Variants in ANK3 observed in about 807,000 individuals in gnomAD.
ANK3 encodes ankyrin 3.
A neutral mutation model predicts 370.9 loss-of-function variants in ANK3; 57 were observed. The ratio of observed to expected loss-of-function variants is 0.15; its 90% CI spans 0.12 to 0.19. The LOEUF (loss-of-function observed/expected upper bound fraction) is 0.19. Ranked by LOEUF, ANK3 falls within the 10% of genes least tolerant of loss-of-function variation. The pLI is 1.00. For synonymous variants in ANK3, 1,929 were observed against 1,946.3 expected (o/e 0.99, Z 0.23); for missense variants, 4,439 against 5,302.1 (o/e 0.84, Z 5.06).
intron 2 of ANK3, chr10:60,508,401 G>C (rs934736919): frequency 6.6e-6 from 1 of 152,604 alleles, no homozygotes; most frequent in Non-Finnish European, 1.5e-5. Flanking sequence ...GGAGGAAGAC[G>C]GGAGTCAGGG....
intron 1 of ANK3, among the ~76,000 whole-genome samples, chr10:60,374,588 T>C (rs2060520665): frequency 6.6e-6 from 1 of 152,034 alleles, no homozygotes; most frequent in African/African-American, 2.4e-5. Flanking sequence ...TTTTGGAAAA[T>C]GAGTTCCAAA....
At chr10:60,646,233 A>T (rs534738362) in intron 1 of ANK3, among the ~76,000 whole-genome samples, 6 of 152,216 alleles carry the variant, frequency 3.9e-5, no homozygotes, top group African/African-American at 1.4e-4. Flanking sequence ...ACGTGGCAAC[A>T]TTAATTACTT....
intron 1 of ANK3, among the ~76,000 whole-genome samples, chr10:60,667,143 T>G (rs2079006750): frequency 6.7e-6 from 1 of 149,056 alleles, no homozygotes; most frequent in African/African-American, 2.4e-5. Context: ...TCTTCTTAGT[T>G]TTTTTCCTGT....
At chr10:60,472,179 C>A (rs1595100209) in intron 2 of ANK3, among the ~76,000 whole-genome samples, 1 of 152,114 alleles carries the variant, frequency 6.6e-6, no homozygotes, top group African/African-American at 2.4e-5. Flanking sequence ...GAATGATCTG[C>A]AAGCAGACAT....
intron 1 of ANK3, among the ~76,000 whole-genome samples, chr10:60,323,551 T>C (rs1314121952): frequency 6.6e-6 from 1 of 152,138 alleles, no homozygotes; most frequent in Non-Finnish European, 1.5e-5. Context: ...CACACACCTC[T>C]AGAGTTTAGG....
At chr10:60,614,694 T>C (rs2078244193) in intron 2 of ANK3, among the ~76,000 whole-genome samples, 1 of 152,226 alleles carries the variant, frequency 6.6e-6, no homozygotes, top group South Asian at 2.1e-4. Context: ...CTAAAGCTCT[T>C]TCACTATTAA....
At position 60,733,334 on chromosome 10, in the gene ANK3, G is replaced by A. The variant is rs1437399523; in HGVS notation, c.-15C>T. 3.2e-6 allele frequency: 4 copies of A among 1,233,042 alleles called. No homozygotes were observed. In the African/African-American group the frequency reaches 6.2e-5, roughly 19 times the overall value. 76.4% of individuals were successfully genotyped at this position (1,233,042 alleles called of 1,614,324 possible). On this transcript the variant is annotated 5_prime_UTR_variant, in exon 1 of 44. Transcript: ENST00000373827. ...GAGGAGGCCATGTTGTGGGGCTGCT[G>A]CTGCTGCTCCTTCCAGGAACTCCAG...
chr10:60,623,831 A>T (rs10994432), intron 1 of ANK3, among the ~76,000 whole-genome samples: 107,006 of 152,076 alleles, frequency 0.7, 37,866 homozygotes, highest in South Asian at 0.88. Flanking sequence ...CTTTGGGGCT[A>T]TAGGCCACCT....
intron 2 of ANK3, among the ~76,000 whole-genome samples, chr10:60,579,064 C>T (rs1019601047): frequency 4.0e-5 from 6 of 151,888 alleles, no homozygotes; most frequent in African/African-American, 1.2e-4. Flanking sequence ...CAGTGGCTCA[C>T]GCCTGTAATC....
At chr10:60,572,950 A>G in intron 2 of ANK3, 1 of 992,240 alleles carries the variant, frequency 1.0e-6, no homozygotes, top group Non-Finnish European at 1.2e-6. Context: ...GAAATAAGCT[A>G]CAGACTGCTG....
chr10:60,344,106 C>T (rs1169589004), intron 1 of ANK3, among the ~76,000 whole-genome samples: 2 of 152,228 alleles, frequency 1.3e-5, no homozygotes, highest in East Asian at 1.9e-4. Flanking sequence ...CTTGCCTGCC[C>T]GCCATTGCCA....
At chr10:60,656,672 A>C (rs990806835) in intron 1 of ANK3, among the ~76,000 whole-genome samples, 2 of 152,172 alleles carry the variant, frequency 1.3e-5, no homozygotes, top group Non-Finnish European at 2.9e-5. Flanking sequence ...TTCTGTAAGC[A>C]CTGCTTCAGC....
intron 23 of ANK3, chr10:60,144,231 A>AAAATGAG: frequency 4.5e-6 from 2 of 444,050 alleles, no homozygotes; most frequent in Non-Finnish European, 9.0e-6. Flanking sequence ...AACCAAAACA[A>AAAATGAG]AAATGAGAAA....
intron 1 of ANK3, among the ~76,000 whole-genome samples, chr10:60,284,348 A>T (rs1391510650): frequency 6.6e-6 from 1 of 152,134 alleles, no homozygotes; most frequent in Admixed American, 6.5e-5. Flanking sequence ...GTGGTGGTTT[A>T]CTATGTCAGC....
chr10:60,583,112 GTATC>G (rs2133282457), intron 2 of ANK3, among the ~76,000 whole-genome samples: 1 of 152,308 alleles, frequency 6.6e-6, no homozygotes, highest in South Asian at 2.1e-4. Context: ...ATCAGCCTAA[GTATC>G]TATCAGCAGA....
intron 16 of ANK3, among the ~76,000 whole-genome samples, chr10:60,192,931 G>A (rs2096517550): frequency 6.6e-6 from 1 of 151,816 alleles, no homozygotes; most frequent in South Asian, 2.1e-4. Flanking sequence ...ATGAGAAAAT[G>A]GAGGCTCATC....
chr10:60,713,980 A>G (rs2079747344), intron 1 of ANK3, among the ~76,000 whole-genome samples: 1 of 152,162 alleles, frequency 6.6e-6, no homozygotes, highest in African/African-American at 2.4e-5. Context: ...CAATAGAATT[A>G]ATAAAGCTCT....
Position 60,138,997 on chromosome 10 carries a change from T to C in ANK3, c.2705A>G (p.Tyr902Cys). 6.2e-7 allele frequency: 1 copy of C among 1,613,922 alleles called. No individual in the cohort carries two copies. Among genetic ancestry groups the C allele is most frequent in the South Asian group, 1.1e-5 (1 of 91,068 alleles). Residue 902 changes from tyrosine to cysteine, a missense_variant, in exon 24 of 44, where the codon TAC (tyrosine) becomes TGC (cysteine). By Grantham distance (194) the Tyr-to-Cys change is radical (BLOSUM62 -2). Around this residue, in one of 13 missense-constraint regions of ANK3, gnomAD observed 702 missense variants for 941.5 expected, o/e 0.75. Coordinates refer to ENST00000280772, the MANE Select transcript of ANK3 (RefSeq NM_020987.5). ...ACGCGCTCCGAGACTAAAGCCCATGTAACCCTCTGCAGGCAGGGAATCATC... is the reference window on the plus strand; with the variant it reads ...ACGCGCTCCGAGACTAAAGCCCATGCAACCCTCTGCAGGCAGGGAATCATC... ...LGDDSLPAEG[Y>C]MGFSLGARSA...
Position 60,205,665 on chromosome 10 carries a change from C to T in ANK3, c.1293+127G>A, listed in dbSNP as rs148135232. The T allele has an allele frequency of 5.9e-3, 3,978 of 679,410 alleles. 19 individuals are homozygous for T. The highest frequency in any genetic ancestry group is 7.3e-3 in the Non-Finnish European group (2,770 of 378,198). The allele number at this position is 679,410 out of a possible 1,614,324, so 42.1% of individuals were successfully genotyped here. A position where few individuals can be genotyped will look rare whatever the true frequency, so the allele number is the denominator to read the frequency against. ...CTGGCAGCCCTCTTCCTAAAGAGTTCAGAATGCAGTCTATGGCCATGATAT... is the reference window on the plus strand; with the variant it reads ...CTGGCAGCCCTCTTCCTAAAGAGTTTAGAATGCAGTCTATGGCCATGATAT... On this transcript the variant is annotated intron_variant, in intron 11 of 43. Coordinates refer to ENST00000280772, the MANE Select transcript of ANK3 (RefSeq NM_020987.5).
Sources: gnomAD v4.1 joint callset for allele counts (sites outside exome capture counted in the v4.1 genomes callset) on GRCh38, gnomAD v4.1.1 for gene constraint, gnomAD v4.1.1 regional missense constraint, MANE v1.5 for transcripts, NCBI Gene and HGNC (gene_info 2026-07-23, HGNC 2026-07-21) for gene names.